The following FREM2 variants were observed in gnomAD, a reference collection of about 807,000 sequenced individuals.
FREM2 encodes the protein FRAS1 related extracellular matrix 2, also known as FRAS1-related extracellular matrix protein 2.
FREM2 carries 119 observed loss-of-function variants against 219.9 expected under a neutral mutation model. The observed-to-expected ratio is 0.54, with a 90% CI of 0.47 to 0.63. The LOEUF (loss-of-function observed/expected upper bound fraction) is 0.63. Ranked by LOEUF, FREM2 falls within the 30% of genes least tolerant of loss-of-function variation. The pLI is 0.00. For synonymous variants in FREM2, 1,562 were observed against 1,522.8 expected (o/e 1.03, Z -0.60); for missense variants, 4,030 against 3,993.6 (o/e 1.01, Z -0.25).
intron 12 of FREM2, 76 bp downstream of exon 12, chr13:38,856,332 G>T (rs920861556): frequency 6.9e-5 from 94 of 1,359,680 alleles, no homozygotes; most frequent in Admixed American, 3.9e-4. Flanking sequence ...ATCACATAGT[G>T]TACAACAAAA....
chr13:38,784,747 G>A lies in FREM2; in HGVS notation c.5958G>A (p.Gly1986=). 6.2e-7 allele frequency: 1 copy of A among 1,614,132 alleles called. No homozygotes were observed. The highest frequency in any genetic ancestry group is 8.5e-7 in the Non-Finnish European group (1 of 1,179,984). The change falls in exon 6 of 24, where the codon GGG becomes GGA. Residue 1986 remains glycine, a synonymous_variant. Coordinates refer to ENST00000280481, the MANE Select transcript of FREM2 (RefSeq NM_207361.6). ...TFHVLLSMPM[G]GRIGSEFPGA... ...ATGTCCTTCTGAGCATGCCCATGGG[G>A]GGAAGAATCGGATCAGAGTTCCCAG... is the stretch of plus-strand genomic sequence containing the variant.
rs1869602649 is a variant in FREM2, at chr13:38,688,371, C to T, written c.1027C>T (p.Leu343=). Residue 343 remains leucine (L), a synonymous_variant, in exon 1 of 24, where the codon CTG becomes TTG. Coordinates refer to ENST00000280481, the MANE Select transcript of FREM2 (RefSeq NM_207361.6). ...FVLTALTPDM[L]AAEDAESPSD... ...ACTGACGGCCCTGACCCCAGACATG[C>T]TGGCAGCCGAGGATGCTGAGTCTCC... is the stretch of plus-strand genomic sequence containing the variant. 6.2e-7 allele frequency: 1 copy of T among 1,614,082 alleles called. No homozygotes were observed. The highest frequency in any genetic ancestry group is 8.5e-7 in the Non-Finnish European group (1 of 1,179,968).
At chr13:38,804,460 T>A (rs1288994262) in intron 6 of FREM2, among the ~76,000 whole-genome samples, 1 of 152,034 alleles carries the variant, frequency 6.6e-6, no homozygotes, top group Non-Finnish European at 1.5e-5. Flanking sequence ...ATGTAGCAAA[T>A]CTTTGCTCTG....
At chr13:38,694,829 A>T (rs1361636493) in intron 1 of FREM2, among the ~76,000 whole-genome samples, 2 of 152,210 alleles carry the variant, frequency 1.3e-5, no homozygotes, top group Non-Finnish European at 2.9e-5. Flanking sequence ...CTTAACCCAG[A>T]TCTAAATTGC....
intron 7 of FREM2, among the ~76,000 whole-genome samples, chr13:38,848,127 G>A (rs576127959): frequency 6.6e-6 from 1 of 152,120 alleles, no homozygotes; most frequent in African/African-American, 2.4e-5. Flanking sequence ...ATATTTGATT[G>A]ATATGCTGAT....
chr13:38,851,995 T>C, intron 11 of FREM2, 127 bp downstream of exon 11: 1 of 853,632 alleles, frequency 1.2e-6, no homozygotes, highest in African/African-American at 1.7e-5. Context: ...TTTTAGGGGG[T>C]ATAATTTTAA....
Position 38,752,643 on chromosome 13 carries a change from C to T in FREM2, c.5264-11661C>T, listed in dbSNP as rs181807725. Among the ~76,000 whole-genome samples, 9 of 152,246 alleles carry T rather than the reference C, an allele frequency of 5.9e-5. No individual in the cohort carries two copies. The East Asian group carries it at 1.7e-3, about 29-fold the overall frequency. ...TTTCTTATTAACTGTCAGATGAAGG[C>T]ACTTGTATTTTCCCTTTCTATATTT... On this transcript the variant is annotated intron_variant, in intron 2 of 23. Coordinates refer to ENST00000280481, the MANE Select transcript of FREM2 (RefSeq NM_207361.6).
At chr13:38,839,277 T>G (rs575828627) in intron 6 of FREM2, among the ~76,000 whole-genome samples, 17 of 152,330 alleles carry the variant, frequency 1.1e-4, no homozygotes, top group Non-Finnish European at 4.4e-5. Flanking sequence ...TTTGCCTGGG[T>G]ATCACCAGCA....
At chr13:38,720,405 G>T (rs1381889672) in intron 2 of FREM2, among the ~76,000 whole-genome samples, 1 of 152,098 alleles carries the variant, frequency 6.6e-6, no homozygotes, top group Admixed American at 6.6e-5. Flanking sequence ...TGCCAGCCAC[G>T]TTGCTTAAAG....
chr13:38,764,264 A>G (rs1364566617), intron 2 of FREM2, 40 bp from the exon 3 acceptor site: 1 of 1,474,212 alleles, frequency 6.8e-7, no homozygotes, highest in Non-Finnish European at 9.5e-7. Context: ...CACTCATTCA[A>G]GAAAGCACTA....
chr13:38,783,268 A>G (rs918536115), intron 5 of FREM2, 73 bp downstream of exon 5: 12 of 1,504,960 alleles, frequency 8.0e-6, no homozygotes, highest in Admixed American at 1.7e-5. Context: ...TATTGGAGCC[A>G]TAACATTTTA....
In FREM2 at chr13:38,769,748, G is replaced by C. The variant is rs750889221; in HGVS notation, c.5581G>C (p.Val1861Leu). 6.2e-7 allele frequency: 1 copy of C among 1,614,124 alleles called. No homozygotes were observed. Among genetic ancestry groups the C allele is most frequent in the Admixed American group, 1.7e-5 (1 of 60,020 alleles). The change falls in exon 4 of 24, where the codon GTG becomes CTG. Residue 1861 changes from valine to leucine, a missense_variant. Around this residue, in one of 2 missense-constraint regions of FREM2, gnomAD observed 3,102 missense variants for 2,950.7 expected, o/e 1.05. Coordinates refer to ENST00000280481, the MANE Select transcript of FREM2 (RefSeq NM_207361.6). ...CTTTCAGGTGGTACTCTCAGAGCCC[G>C]TGCTGGCTGCCTTGGAATTCCCCAC... is the stretch of plus-strand genomic sequence containing the variant. ...ETFQVVLSEPVLAALEFPTVA... is the reference protein window; with the variant it reads ...ETFQVVLSEPLLAALEFPTVA...
intron 2 of FREM2, among the ~76,000 whole-genome samples, chr13:38,733,920 T>C: frequency 6.6e-6 from 1 of 152,226 alleles, no homozygotes; most frequent in East Asian, 1.9e-4. Flanking sequence ...GATAGAACTG[T>C]CTTTAATGCC....
intron 6 of FREM2, among the ~76,000 whole-genome samples, chr13:38,843,846 C>T (rs1439863046): frequency 6.6e-6 from 1 of 151,616 alleles, no homozygotes; most frequent in Non-Finnish European, 1.5e-5. Flanking sequence ...TGATGCTTAA[C>T]CATTTTTTTA....
At chr13:38,782,704 C>G (rs1874165491) in intron 4 of FREM2, among the ~76,000 whole-genome samples, 1 of 152,202 alleles carries the variant, frequency 6.6e-6, no homozygotes, top group Non-Finnish European at 1.5e-5. Context: ...GACAAGATGA[C>G]TTTTGAGGTC....
chr13:38,704,341 A>G (rs1024654354), intron 2 of FREM2, among the ~76,000 whole-genome samples: 1 of 152,200 alleles, frequency 6.6e-6, no homozygotes, highest in Admixed American at 6.5e-5. Context: ...AATGAGTTAA[A>G]CTTTGTTTAA....
chr13:38,804,077 T>C (rs1198279371), intron 6 of FREM2, among the ~76,000 whole-genome samples: 1 of 152,050 alleles, frequency 6.6e-6, no homozygotes, highest in Non-Finnish European at 1.5e-5. Flanking sequence ...TCCTTTAAAG[T>C]AACAACTTGA....
At chr13:38,853,553 A>G (rs1877454007) in intron 11 of FREM2, among the ~76,000 whole-genome samples, 1 of 152,208 alleles carries the variant, frequency 6.6e-6, no homozygotes, top group Admixed American at 6.5e-5. Context: ...CAAAGCTGAG[A>G]AAACAACTGA....
At chr13:38,748,996 G>A (rs955883576) in intron 2 of FREM2, among the ~76,000 whole-genome samples, 9 of 152,146 alleles carry the variant, frequency 5.9e-5, no homozygotes, top group South Asian at 2.1e-4. Flanking sequence ...CTACAATAAA[G>A]ACATGGGAGT....
Sources: gnomAD v4.1 joint callset for allele counts (sites outside exome capture counted in the v4.1 genomes callset) on GRCh38, gnomAD v4.1.1 for gene constraint, gnomAD v4.1.1 regional missense constraint, MANE v1.5 for transcripts, NCBI Gene and HGNC (gene_info 2026-07-23, HGNC 2026-07-21) for gene names.